TPCN2: variants seen among roughly 807,000 people sequenced by gnomAD.
The protein encoded by TPCN2 is two pore segment channel 2, also known as two pore channel protein 2.
TPCN2 carries 92 observed loss-of-function variants against 111.4 expected under a neutral mutation model. The ratio of observed to expected loss-of-function variants is 0.83; its 90% CI spans 0.70 to 0.98. The LOEUF is 0.98. Ranked by LOEUF, TPCN2 falls within the 50% of genes least tolerant of loss-of-function variation. The pLI is 0.00. For missense variants in TPCN2, 995 were observed against 980.1 expected, an observed-to-expected ratio of 1.02 and a Z score of -0.20; for synonymous variants, 405 against 414.5, an observed-to-expected ratio of 0.98 and a Z score of 0.28.
Position 69,079,817 on chromosome 11 carries a change from T to G in TPCN2, c.1540-17T>G. Reference sequence around the variant, plus strand: ...AGTGTTGCTGTAGCGAAGCCTTCTTTTCTTTTGTAATTAAAGGTTTTGGAG... The same window carrying G: ...AGTGTTGCTGTAGCGAAGCCTTCTTGTCTTTTGTAATTAAAGGTTTTGGAG... On this transcript the variant is annotated splice_polypyrimidine_tract_variant and intron_variant, in intron 16 of 24. Coordinates refer to ENST00000294309, the MANE Select transcript of TPCN2 (RefSeq NM_139075.4). The G allele has an allele frequency of 6.2e-7, 1 of 1,613,152 alleles. No individual in the cohort carries two copies. The highest frequency in any genetic ancestry group is 8.5e-7 in the Non-Finnish European group (1 of 1,179,558).
chr11:69,080,326 T>C (rs1855951851), intron 17 of TPCN2, among the ~76,000 whole-genome samples: 1 of 152,200 alleles, frequency 6.6e-6, no homozygotes, highest in African/African-American at 2.4e-5. Context: ...CGCCTCCCAC[T>C]CTGGACATCA....
In TPCN2 at chr11:69,078,732, AG is replaced by A. The variant is rs1565092528; in HGVS notation, c.1351del. The A allele has an allele frequency of 6.2e-7, 1 of 1,613,742 alleles. No individual in the cohort carries two copies. The highest frequency in any genetic ancestry group is 8.5e-7 in the Non-Finnish European group (1 of 1,180,004). On this transcript the variant is annotated splice_acceptor_variant, in intron 14 of 24. Coordinates refer to ENST00000294309, the MANE Select transcript of TPCN2 (RefSeq NM_139075.4). LOFTEE classifies it high-confidence loss of function. ...GGCGAGCCCTCTGTTCTGGCGTTGC[AG>A]GTGTTCCTGGTGCTGGATGCAGATG...
chr11:69,084,605 C>T (rs1433288475), intron 19 of TPCN2: 2 of 985,342 alleles, frequency 2.0e-6, no homozygotes, highest in Non-Finnish European at 2.4e-6. Context: ...TGCAGAGTGA[C>T]AGGAGGCGCC....
chr11:69,072,269 C>A (rs1855571014), intron 11 of TPCN2, among the ~76,000 whole-genome samples: 1 of 152,208 alleles, frequency 6.6e-6, no homozygotes, highest in African/African-American at 2.4e-5. Context: ...AGTGGCCCGG[C>A]CTTCTTGTCC....
In TPCN2 at chr11:69,072,535, T is replaced by C. The variant is rs569044550; in HGVS notation, c.1062-92T>C. ...CTGCAAAGTGGCTTCATGGCAAAGC[T>C]CAAGCCAGACGCCAGGGCAGGAGGA... On this transcript the variant is annotated intron_variant, in intron 11 of 24. Coordinates refer to ENST00000294309, the MANE Select transcript of TPCN2 (RefSeq NM_139075.4). 3.5e-5 allele frequency: 47 copies of C among 1,345,966 alleles called. No individual in the cohort carries two copies. In the African/African-American group the frequency reaches 5.1e-4, roughly 15 times the overall value. 83.4% of individuals were successfully genotyped at this position (1,345,966 alleles called of 1,614,324 possible). A position where few individuals can be genotyped will look rare whatever the true frequency, so the allele number is the denominator to read the frequency against.
At chr11:69,054,827 T>A in intron 3 of TPCN2, 30 bp downstream of exon 3, 1 of 1,607,458 alleles carries the variant, frequency 6.2e-7, no homozygotes, top group Admixed American at 1.7e-5. Context: ...GAACTCAGGG[T>A]TCCTGCCGGC....
chr11:69,058,736 C>T (rs1854885281), intron 5 of TPCN2, among the ~76,000 whole-genome samples: 1 of 152,186 alleles, frequency 6.6e-6, no homozygotes, highest in African/African-American at 2.4e-5. Context: ...CCTCCGTGGC[C>T]ACCTCCTTCC....
At chr11:69,079,965 C>T in intron 17 of TPCN2, 82 bp downstream of exon 17, 12 of 1,374,712 alleles carry the variant, frequency 8.7e-6, no homozygotes, top group Non-Finnish European at 1.2e-5. Flanking sequence ...CAGTGGTGTC[C>T]AGGGGGCTGG....
At position 69,073,673 on chromosome 11, in the gene TPCN2, C is replaced by T. The variant is rs542369332; in HGVS notation, c.1230+672C>T. 1.6e-4 allele frequency among the ~76,000 whole-genome samples: 24 copies of T among 152,368 alleles called. No individual in the cohort carries two copies. The South Asian group carries it at 4.3e-3, about 28-fold the overall frequency. On this transcript the variant is annotated intron_variant, in intron 13 of 24. Coordinates refer to ENST00000294309, the MANE Select transcript of TPCN2 (RefSeq NM_139075.4). Reference sequence around the variant, plus strand: ...TTTGTTATCTCACAGTCCTGGCCGTCAGTCCAAGGCCAAGTGTCACAGGGC... The same window carrying T: ...TTTGTTATCTCACAGTCCTGGCCGTTAGTCCAAGGCCAAGTGTCACAGGGC...
chr11:69,084,371 G>A (rs1856180346), intron 19 of TPCN2, among the ~76,000 whole-genome samples: 1 of 152,186 alleles, frequency 6.6e-6, no homozygotes, highest in African/African-American at 2.4e-5. Flanking sequence ...TTTGCTCCAG[G>A]GACCCCAAAG....
At position 69,085,840 on chromosome 11, in the gene TPCN2, C is replaced by T. The variant is rs1856250931; in HGVS notation, c.1921-8C>T. On this transcript the variant is annotated splice_polypyrimidine_tract_variant and splice_region_variant and intron_variant, in intron 21 of 24. Transcript: ENST00000294309. Reference sequence around the variant, plus strand: ...GCCCTCCTGGACCGCTGGTCTCTGCCCCCGCAGGCTGCCCTGGTCACTCTG... The same window carrying T: ...GCCCTCCTGGACCGCTGGTCTCTGCTCCCGCAGGCTGCCCTGGTCACTCTG... The T allele has an allele frequency of 3.7e-6, 6 of 1,614,118 alleles. No homozygotes were observed. In the African/African-American group the frequency reaches 4.0e-5, roughly 11 times the overall value.
At position 69,085,118 on chromosome 11, in the gene TPCN2, T is replaced by G. The variant is rs1590754340; in HGVS notation, c.1762-92T>G. 9.0e-6 allele frequency: 11 copies of G among 1,219,088 alleles called. No homozygotes were observed. The East Asian group carries it at 2.6e-4, about 28-fold the overall frequency. The allele number at this position is 1,219,088 out of a possible 1,614,324, so 75.5% of individuals were successfully genotyped here. On this transcript the variant is annotated intron_variant, in intron 19 of 24. Coordinates refer to ENST00000294309, the MANE Select transcript of TPCN2 (RefSeq NM_139075.4). ...TGGGCAGAGGGTCCTGGCCTCACAG[T>G]CATCCTCTGGCTTTGCGGTTCTGTC... is the stretch of plus-strand genomic sequence containing the variant.
rs1174785322 is a variant in TPCN2 at position 69,081,299 on chromosome 11, T to G, written c.1590-101T>G. 8 of 721,816 alleles carry G rather than the reference T, an allele frequency of 1.1e-5. No individual in the cohort carries two copies. In the East Asian group the frequency reaches 1.4e-4, roughly 12 times the overall value. 44.7% of individuals were successfully genotyped at this position (721,816 alleles called of 1,614,324 possible). On this transcript the variant is annotated intron_variant, in intron 17 of 24. Transcript: ENST00000294309. ...GGGGTGCACTCCCGTCATGCCCTGT[T>G]GCCCTCCCTGCGCCTCCGTCCAGGA...
rs1855556254 is a variant in TPCN2 at position 69,071,936 on chromosome 11, C to T, written c.974C>T (p.Thr325Ile). 1.2e-6 allele frequency: 2 copies of T among 1,613,898 alleles called. No individual in the cohort carries two copies. Residue 325 changes from threonine (T) to isoleucine (I), a missense_variant, in exon 11 of 25, where the codon ACC becomes ATC. Coordinates refer to ENST00000294309, the MANE Select transcript of TPCN2 (RefSeq NM_139075.4). ...TCCTCTTTGCAGAAATCTCTCCAGA[C>T]CTCGCTGTTTCGGAGGCGGCTGGGA... The part of the protein sequence containing the change: ...FRGYLMKSLQ[T>I]SLFRRRLGTR...
At chr11:69,073,081 T>C in intron 13 of TPCN2, 80 bp downstream of exon 13, 1 of 1,059,074 alleles carries the variant, frequency 9.4e-7, no homozygotes, top group Non-Finnish European at 1.5e-6. Flanking sequence ...GGGGAACTCT[T>C]CTAATGATCA....
intron 1 of TPCN2, among the ~76,000 whole-genome samples, chr11:69,052,457 A>G (rs958800740): frequency 6.6e-6 from 1 of 152,148 alleles, no homozygotes; most frequent in Admixed American, 6.5e-5. Flanking sequence ...TGCTCAGGGG[A>G]CATAAACAGT....
chr11:69,069,157 C>T (rs868601708), intron 8 of TPCN2, among the ~76,000 whole-genome samples: 12 of 137,220 alleles, frequency 8.7e-5, no homozygotes, highest in African/African-American at 2.8e-4. Flanking sequence ...AGGAAGTGAC[C>T]GCAGTGGGAG....
rs570838979 is a variant in TPCN2, at chr11:69,086,353, C to T, written c.2004-170C>T. ...TACCTCGGCAGCTTGTTGCACGTTT[C>T]TAGGCCTCAGTTGGGTTGTTTCTGA... is the stretch of plus-strand genomic sequence containing the variant. On this transcript the variant is annotated intron_variant, in intron 22 of 24. Transcript: ENST00000294309. Among the ~76,000 whole-genome samples the T allele has an allele frequency of 5.9e-5, 9 of 152,328 alleles. 1 individual carries two copies. In the South Asian group the frequency reaches 1.7e-3, roughly 28 times the overall value.
intron 13 of TPCN2, among the ~76,000 whole-genome samples, chr11:69,075,344 A>T (rs2134601555): frequency 6.6e-6 from 1 of 152,264 alleles, no homozygotes; most frequent in African/African-American, 2.4e-5. Flanking sequence ...TCTTAAGATG[A>T]TGTAGTGTTT....
Sources: gnomAD v4.1 joint callset for allele counts (sites outside exome capture counted in the v4.1 genomes callset) on GRCh38, gnomAD v4.1.1 for gene constraint, MANE v1.5 for transcripts, NCBI Gene and HGNC (gene_info 2026-07-23, HGNC 2026-07-21) for gene names.